Variants in ADGRB2 observed in about 807,000 individuals in gnomAD.
The protein encoded by ADGRB2 is adhesion G protein-coupled receptor B2.
ADGRB2 carries 47 observed loss-of-function variants against 178.7 expected under a neutral mutation model. The observed-to-expected ratio is 0.26, with a 90% CI of 0.21 to 0.34. The LOEUF is 0.34. ADGRB2 is among the 10% of genes least tolerant of loss of function. The pLI is 1.00. For synonymous variants in ADGRB2, 870 were observed against 912.4 expected (o/e 0.95, Z 0.84); for missense variants, 1,584 against 2,180.8 (o/e 0.73, Z 5.45).
rs1254868218 is a variant in ADGRB2 at position 31,735,469 on chromosome 1, G to A, written c.3353+111C>T. 1 of 1,410,912 alleles carries A rather than the reference G, an allele frequency of 7.1e-7. No individual in the cohort carries two copies. The highest frequency in any genetic ancestry group is 9.8e-7 in the Non-Finnish European group (1 of 1,017,260). The allele number at this position is 1,410,912 out of a possible 1,614,324, so 87.4% of individuals were successfully genotyped here. On this transcript the variant is annotated intron_variant, in intron 24 of 32. Coordinates refer to ENST00000373658, the MANE Select transcript of ADGRB2 (RefSeq NM_001364857.2). This position sits in a 1 kb window ranked among gnomAD's most constrained non-coding sequence, Gnocchi z 6.0. Reference sequence around the variant, plus strand: ...CTTGCCTGCAACCTTGATGCACCAAGGTTGGGGAGCCCCGGTCGCATCATC... The same window carrying A: ...CTTGCCTGCAACCTTGATGCACCAAAGTTGGGGAGCCCCGGTCGCATCATC...
chr1:31,748,318 C>T (rs1646380820), intron 4 of ADGRB2, among the ~76,000 whole-genome samples: 1 of 152,222 alleles, frequency 6.6e-6, no homozygotes, highest in Non-Finnish European at 1.5e-5. Context: ...GGTACAAGCC[C>T]AAGGCCACAC....
At position 31,740,288 on chromosome 1, in the gene ADGRB2, G is replaced by T. The variant is rs551791306; in HGVS notation, c.1989+59C>A. On this transcript the variant is annotated intron_variant, in intron 12 of 32. Transcript: ENST00000373658. The surrounding 1 kb of genome is among the most constrained non-coding windows in gnomAD (Gnocchi z 5.9). ...ACAGCAGACTCTGCCTAGGGGCCTG[G>T]CCTCCCGCTTCAGTTTGGGCCTTCT... 15 of 1,603,924 alleles carry T rather than the reference G, an allele frequency of 9.4e-6. No homozygotes were observed. In the African/African-American group the frequency reaches 1.5e-4, roughly 16 times the overall value.
In ADGRB2 at chr1:31,727,556, T is replaced by C; in HGVS notation, c.4622A>G (p.His1541Arg). 2 of 1,579,522 alleles carry C rather than the reference T, an allele frequency of 1.3e-6. No homozygotes were observed. The highest frequency in any genetic ancestry group is 8.6e-7 in the Non-Finnish European group (1 of 1,168,924). ...ERPSLSQHRR[H>R]QSWSTFKSMT... ...AGATTTGAAGGTGCTCCAGCTCTGA[T>C]GGCGCCGATGTTGGGACAAGCTGGG... The change falls in exon 33 of 33, where the codon CAT becomes CGT. Residue 1541 changes from histidine (H) to arginine (R), a missense_variant. By Grantham distance (29) the His-to-Arg change is conservative (BLOSUM62 0). Transcript: ENST00000373658. This position sits in a 1 kb window ranked among gnomAD's most constrained non-coding sequence, Gnocchi z 4.4.
rs141441940 is a variant in ADGRB2, at chr1:31,731,177, G to A, written c.4003C>T (p.Leu1335=). 6.3e-7 allele frequency: 1 copy of A among 1,598,044 alleles called. No homozygotes were observed. Among genetic ancestry groups the A allele is most frequent in the Non-Finnish European group, 8.5e-7 (1 of 1,173,030 alleles). The change falls in exon 29 of 33, where the codon CTG becomes TTG. Residue 1335 remains leucine (L), a synonymous_variant. Transcript: ENST00000373658. ...GTGGGCCGCAGCCATGTGAGGTCCA[G>A]CTGCCGCAGGCCACCCTCCCCACAC... is the stretch of plus-strand genomic sequence containing the variant. ...YMCGEGGLRQ[L]DLTWLRPTEP... is the part of the protein sequence containing the mutation.
At chr1:31,738,669 A>C (rs1645762921) in intron 16 of ADGRB2, 39 bp from the exon 17 acceptor site, 1 of 1,610,988 alleles carries the variant, frequency 6.2e-7, no homozygotes, top group Non-Finnish European at 8.5e-7. Context: ...TAGGGAGGGA[A>C]GCTCACCACA....
chr1:31,729,521 T>C (rs1645170206), intron 29 of ADGRB2, among the ~76,000 whole-genome samples: 1 of 152,138 alleles, frequency 6.6e-6, no homozygotes, highest in African/African-American at 2.4e-5. Context: ...CACACGTGTA[T>C]CCTCCCCAAC....
Position 31,727,519 on chromosome 1 carries a change from G to A in ADGRB2, c.4659C>T (p.Gly1553=). 7 of 1,596,886 alleles carry A rather than the reference G, an allele frequency of 4.4e-6. No homozygotes were observed. The highest frequency in any genetic ancestry group is 5.1e-6 in the Non-Finnish European group (6 of 1,175,388). ...SWSTFKSMTL[G]SLPPKPRERL... is the part of the protein sequence containing the mutation. ...GTTCTCGGGGCTTGGGGGGCAGCGAGCCCAGTGTCATAGATTTGAAGGTGC... is the reference window on the plus strand; with the variant it reads ...GTTCTCGGGGCTTGGGGGGCAGCGAACCCAGTGTCATAGATTTGAAGGTGC... Residue 1553 remains glycine (G), a synonymous_variant, in exon 33 of 33, where the codon GGC becomes GGT. Transcript: ENST00000373658. This position sits in a 1 kb window ranked among gnomAD's most constrained non-coding sequence, Gnocchi z 4.4.
At chr1:31,732,403 C>A in intron 27 of ADGRB2, 114 bp downstream of exon 27, 1 of 1,338,900 alleles carries the variant, frequency 7.5e-7, no homozygotes, top group Non-Finnish European at 1.1e-6. Context: ...TGAATCAAAC[C>A]CAATCCCTGT....
At chr1:31,748,655 G>A (rs2149006885) in intron 4 of ADGRB2, among the ~76,000 whole-genome samples, 1 of 152,376 alleles carries the variant, frequency 6.6e-6, no homozygotes, top group South Asian at 2.1e-4. Flanking sequence ...GAGCTCAGCG[G>A]CTTGTGGGCC....
In ADGRB2 at chr1:31,744,943, T is replaced by C. The variant is rs1166803556; in HGVS notation, c.839-212A>G. 6.6e-6 allele frequency among the ~76,000 whole-genome samples: 1 copy of C among 152,242 alleles called. No individual in the cohort carries two copies. Among genetic ancestry groups the C allele is most frequent in the Non-Finnish European group, 1.5e-5 (1 of 68,046 alleles). On this transcript the variant is annotated intron_variant, in intron 4 of 32. Coordinates refer to ENST00000373658, the MANE Select transcript of ADGRB2 (RefSeq NM_001364857.2). The surrounding 1 kb of genome is among the most constrained non-coding windows in gnomAD (Gnocchi z 6.7). ...CAGAAGGCTACACAGGACTAGGCCC[T>C]GACCTCACAGTCATCTTTTCCACCT...
rs1430035097 is a variant in ADGRB2 at position 31,740,921 on chromosome 1, ACACACT to A, written c.1795-386_1795-381del. 1.1e-3 allele frequency among the ~76,000 whole-genome samples: 171 copies of A among 151,042 alleles called. 2 individuals are homozygous for A. The East Asian group carries it at 0.018, about 16-fold the overall frequency. ...CACACACACACACACACACACACACACACACTGTCTTTCTCTCTCTCACTCTCTCTC... is the reference window on the plus strand; with the variant it reads ...CACACACACACACACACACACACACAGTCTTTCTCTCTCTCACTCTCTCTC... On this transcript the variant is annotated intron_variant, in intron 11 of 32. Coordinates refer to ENST00000373658, the MANE Select transcript of ADGRB2 (RefSeq NM_001364857.2). The surrounding 1 kb of genome is among the most constrained non-coding windows in gnomAD (Gnocchi z 5.9).
chr1:31,731,370 T>C lies in ADGRB2; in HGVS notation c.3810A>G (p.Thr1270=), dbSNP rs756149100. The C allele has an allele frequency of 1.2e-6, 2 of 1,611,756 alleles. No individual in the cohort carries two copies. Among genetic ancestry groups the C allele is most frequent in the South Asian group, 2.2e-5 (2 of 90,914 alleles). The change falls in exon 29 of 33, where the codon ACA becomes ACG. Residue 1270 remains threonine, a synonymous_variant. Coordinates refer to ENST00000373658, the MANE Select transcript of ADGRB2 (RefSeq NM_001364857.2). ...CCTCATCCAGGGACAGGCGGGATAG[T>C]GTGCCCGTGATGGTGGACGGGTTGC... is the stretch of plus-strand genomic sequence containing the variant. The part of the protein sequence containing the change: ...NTCNPSTITG[T]LSRLSLDEDE...
intron 18 of ADGRB2, 105 bp downstream of exon 18, chr1:31,738,094 AT>A: frequency 6.8e-7 from 1 of 1,478,922 alleles, no homozygotes; most frequent in Admixed American, 2.1e-5. Flanking sequence ...GCACCTGCAG[AT>A]GCACATTCAG....
rs1378576264 is a variant in ADGRB2, at chr1:31,756,472, T to C, written c.365A>G (p.Glu122Gly). The C allele has an allele frequency of 1.5e-5, 24 of 1,611,070 alleles. No individual in the cohort carries two copies. Among genetic ancestry groups the C allele is most frequent in the African/African-American group, 2.7e-5 (2 of 74,890 alleles). Residue 122 changes from glutamate (E) to glycine (G), a missense_variant, in exon 4 of 33, where the codon GAG (glutamate) becomes GGG (glycine). This residue lies in a region of ADGRB2 where 657 missense variants were observed against 847.6 expected (regional missense o/e 0.78). Transcript: ENST00000373658. The surrounding 1 kb of genome is among the most constrained non-coding windows in gnomAD (Gnocchi z 8.5). Reference protein sequence around the residue: ...PSPEEAVAQAESEVGRPEEEE... With the variant: ...PSPEEAVAQAGSEVGRPEEEE... Reference sequence around the variant, plus strand: ...CTCTTCTGGCCGCCCCACCTCTGACTCCGCCTGGGCCACCGCCTCCTCGGG... The same window carrying C: ...CTCTTCTGGCCGCCCCACCTCTGACCCCGCCTGGGCCACCGCCTCCTCGGG...
In ADGRB2 at chr1:31,727,993, C is replaced by T; in HGVS notation, c.4572+32G>A. ...AGGGAGGGCACGGGTCCCTCAGGCC[C>T]ACCTCACCCCACCCAGCCCGGGGGG... On this transcript the variant is annotated intron_variant, in intron 32 of 32. Transcript: ENST00000373658. This position sits in a 1 kb window ranked among gnomAD's most constrained non-coding sequence, Gnocchi z 4.4. The T allele has an allele frequency of 1.3e-6, 2 of 1,533,702 alleles. No individual in the cohort carries two copies. Among genetic ancestry groups the T allele is most frequent in the Non-Finnish European group, 1.7e-6 (2 of 1,144,314 alleles).
chr1:31,732,118 T>C lies in ADGRB2; in HGVS notation c.3757A>G (p.Thr1253Ala), dbSNP rs1000635356. 6.2e-7 allele frequency: 1 copy of C among 1,614,062 alleles called. No homozygotes were observed. The highest frequency in any genetic ancestry group is 8.5e-7 in the Non-Finnish European group (1 of 1,179,976). The change falls in exon 28 of 33, where the codon ACA (threonine) becomes GCA (alanine). Residue 1253 changes from threonine to alanine, a missense_variant. Around this residue, in one of 3 missense-constraint regions of ADGRB2, gnomAD observed 865 missense variants for 1,192.8 expected, o/e 0.73. Transcript: ENST00000373658. Reference sequence around the variant, plus strand: ...AGTTCTGCCACGGCACACTCACCTGTTTGACAAGCCAGATCCACATCCTTT... The same window carrying C: ...AGTTCTGCCACGGCACACTCACCTGCTTGACAAGCCAGATCCACATCCTTT... ...FEKDVDLACQ[T>A]VLFKEVNTCN...
intron 27 of ADGRB2, among the ~76,000 whole-genome samples, 170 bp from the exon 28 acceptor site, chr1:31,732,324 C>T (rs1160519226): frequency 2.0e-5 from 3 of 152,268 alleles, no homozygotes; most frequent in Non-Finnish European, 4.4e-5. Flanking sequence ...CCCCAGCCCA[C>T]CTGATGGCTA....
chr1:31,742,011 T>C (rs1373488773), intron 8 of ADGRB2, 42 bp downstream of exon 8: 3 of 1,585,712 alleles, frequency 1.9e-6, no homozygotes, highest in Admixed American at 1.7e-5. Flanking sequence ...GGTACCCCCA[T>C]GGTCAGAGCT....
At position 31,740,489 on chromosome 1, in the gene ADGRB2, G is replaced by A. The variant is rs772109417; in HGVS notation, c.1847C>T (p.Ser616Leu). 4 of 1,612,876 alleles carry A rather than the reference G, an allele frequency of 2.5e-6. No homozygotes were observed. The African/African-American group carries it at 5.3e-5, about 22-fold the overall frequency. The change falls in exon 12 of 33, where the codon TCG becomes TTG. Residue 616 changes from serine to leucine, a missense_variant. By Grantham distance (145) the Ser-to-Leu change is moderately radical. Coordinates refer to ENST00000373658, the MANE Select transcript of ADGRB2 (RefSeq NM_001364857.2). This position sits in a 1 kb window ranked among gnomAD's most constrained non-coding sequence, Gnocchi z 5.9. ...GQRMLAGEGMSQVVRSLQELL... is the reference protein window; with the variant it reads ...GQRMLAGEGMLQVVRSLQELL... ...CTCCTGCAGGCTGCGCACCACCTGC[G>A]ACATGCCCTCGCCTGCCAGCATGCG...
Sources: gnomAD v4.1 joint callset for allele counts (sites outside exome capture counted in the v4.1 genomes callset) on GRCh38, gnomAD v4.1.1 for gene constraint, gnomAD v4.1.1 regional missense constraint, Gnocchi (gnomAD v3.1) non-coding constraint, MANE v1.5 for transcripts, NCBI Gene and HGNC (gene_info 2026-07-23, HGNC 2026-07-21) for gene names.